The following UNC79 variants were observed in gnomAD, a reference collection of about 807,000 sequenced individuals.
The protein encoded by UNC79 is protein unc-79 homolog.
In UNC79, 37 loss-of-function variants were observed where a neutral mutation model predicts 283.1. The ratio of observed to expected loss-of-function variants is 0.13; its 90% CI spans 0.10 to 0.17. The LOEUF is 0.17. UNC79 is among the 10% of genes least tolerant of loss of function. UNC79 has a pLI of 1.00. For synonymous variants in UNC79, 1,107 were observed against 1,200.2 expected (o/e 0.92, Z 1.61); for missense variants, 2,272 against 3,211.1 (o/e 0.71, Z 7.07).
At chr14:93,664,249 T>C (rs909252469) in intron 40 of UNC79, among the ~76,000 whole-genome samples, 2 of 152,162 alleles carry the variant, frequency 1.3e-5, no homozygotes, top group African/African-American at 4.8e-5. Context: ...TTTGGAGACT[T>C]CACTTTCTAG....
chr14:93,615,409 C>T (rs2066626691), intron 27 of UNC79, among the ~76,000 whole-genome samples: 1 of 152,042 alleles, frequency 6.6e-6, no homozygotes, highest in Non-Finnish European at 1.5e-5. Context: ...CCACATTATG[C>T]ATGTCTACTT....
chr14:93,407,731 A>T (rs760443278), intron 1 of UNC79, among the ~76,000 whole-genome samples: 2 of 152,198 alleles, frequency 1.3e-5, no homozygotes, highest in Non-Finnish European at 2.9e-5. Flanking sequence ...CATTAAAAAA[A>T]CTGGAGATTT....
At chr14:93,573,824 G>A (rs1249275033) in intron 16 of UNC79, among the ~76,000 whole-genome samples, 2 of 152,168 alleles carry the variant, frequency 1.3e-5, no homozygotes, top group African/African-American at 2.4e-5. Flanking sequence ...GGCCAACATG[G>A]CCAAAGCCCG....
At chr14:93,580,313 C>T (rs1372734787) in exon 19 of UNC79, 17 of 1,614,220 alleles carry the variant, frequency 1.1e-5, no homozygotes, top group Non-Finnish European at 1.4e-5. Context: ...CTAGTATCCT[C>T]TGCTATCAGC....
Position 93,621,744 on chromosome 14 carries a change from T to C in UNC79, c.4511T>C (p.Ile1504Thr), listed in dbSNP as rs146432485. 2 of 1,614,092 alleles carry C rather than the reference T, an allele frequency of 1.2e-6. No individual in the cohort carries two copies. Among genetic ancestry groups the C allele is most frequent in the South Asian group, 1.1e-5 (1 of 91,068 alleles). Residue 1504 changes from isoleucine to threonine, a missense_variant, in exon 30 of 49, where the codon ATA becomes ACA. Transcript: ENST00000555664. This position sits in a 1 kb window ranked among gnomAD's most constrained non-coding sequence, Gnocchi z 4.8. Reference sequence around the variant, plus strand: ...TCTTTCAAACAAAAATCTCTTGATATAGGGAATGCAGACTCGCTTTTGTTT... The same window carrying C: ...TCTTTCAAACAAAAATCTCTTGATACAGGGAATGCAGACTCGCTTTTGTTT...
At chr14:93,628,949 A>T (rs1010214916) in intron 30 of UNC79, among the ~76,000 whole-genome samples, 1 of 152,212 alleles carries the variant, frequency 6.6e-6, no homozygotes, top group African/African-American at 2.4e-5. Flanking sequence ...CTGTAATCCG[A>T]GCACTTTGGG....
At chr14:93,469,591 T>A (rs1226161108) in intron 2 of UNC79, among the ~76,000 whole-genome samples, 1 of 152,122 alleles carries the variant, frequency 6.6e-6, no homozygotes, top group Non-Finnish European at 1.5e-5. Context: ...AGATTTGTCA[T>A]CTTTTCAGAA....
intron 3 of UNC79, among the ~76,000 whole-genome samples, chr14:93,476,193 C>G (rs1233946832): frequency 6.6e-6 from 1 of 151,978 alleles, no homozygotes; most frequent in Non-Finnish European, 1.5e-5. Context: ...TGCACTAAGA[C>G]CGGAGGCTGT....
In UNC79 at chr14:93,621,527, A is replaced by G; in HGVS notation, c.4388-94A>G. 2.9e-6 allele frequency: 4 copies of G among 1,368,966 alleles called. No homozygotes were observed. 84.8% of individuals were successfully genotyped at this position (1,368,966 alleles called of 1,614,324 possible). The stretch of plus-strand genomic sequence containing the variant: ...CCCTCCTGGTGGAGCTGGGATTGTG[A>G]TGATGATTTATGCCAATTGTATGCC... On this transcript the variant is annotated intron_variant, in intron 29 of 48. Transcript: ENST00000555664. This position sits in a 1 kb window ranked among gnomAD's most constrained non-coding sequence, Gnocchi z 4.8.
intron 46 of UNC79, among the ~76,000 whole-genome samples, chr14:93,692,298 A>G (rs564256827): frequency 6.6e-6 from 1 of 152,338 alleles, no homozygotes; most frequent in East Asian, 1.9e-4. Context: ...TGATTTAGCC[A>G]TTCCACAATG....
At chr14:93,454,801 T>C (rs1189659958) in intron 1 of UNC79, among the ~76,000 whole-genome samples, 1 of 152,234 alleles carries the variant, frequency 6.6e-6, no homozygotes, top group Non-Finnish European at 1.5e-5. Flanking sequence ...CTTTCACTTT[T>C]GCTGCCTAAC....
intron 14 of UNC79, among the ~76,000 whole-genome samples, chr14:93,569,924 A>G (rs749656985): frequency 6.6e-6 from 1 of 152,142 alleles, no homozygotes; most frequent in Non-Finnish European, 1.5e-5. Flanking sequence ...AAGCCAGAAC[A>G]TTTATTTATT....
At chr14:93,634,994 C>A (rs1425378336) in intron 31 of UNC79, among the ~76,000 whole-genome samples, 1 of 152,046 alleles carries the variant, frequency 6.6e-6, no homozygotes, top group Non-Finnish European at 1.5e-5. Context: ...CAAAGTACGC[C>A]CCAAATGAGG....
chr14:93,443,563 AC>A (rs1473309205), intron 1 of UNC79, among the ~76,000 whole-genome samples: 1 of 151,730 alleles, frequency 6.6e-6, no homozygotes, highest in Non-Finnish European at 1.5e-5. Context: ...AGTTGGGATT[AC>A]AGGTGCACAC....
At chr14:93,658,265 A>G (rs1179160300) in intron 38 of UNC79, among the ~76,000 whole-genome samples, 1 of 152,170 alleles carries the variant, frequency 6.6e-6, no homozygotes, top group Non-Finnish European at 1.5e-5. Context: ...CAGATCTCAA[A>G]CGTCAGTGTG....
At chr14:93,353,385 C>T (rs936747882) in intron 1 of UNC79, among the ~76,000 whole-genome samples, 1 of 152,124 alleles carries the variant, frequency 6.6e-6, no homozygotes, top group African/African-American at 2.4e-5. Context: ...CATATTCAAA[C>T]TCTGTTTGAA....
chr14:93,599,808 A>G (rs2065358468), intron 24 of UNC79, among the ~76,000 whole-genome samples: 1 of 152,202 alleles, frequency 6.6e-6, no homozygotes, highest in African/African-American at 2.4e-5. Context: ...TTTTTTCGGA[A>G]TCATGAAATT....
intron 1 of UNC79, among the ~76,000 whole-genome samples, chr14:93,422,609 T>C (rs534332469): frequency 2.0e-5 from 3 of 152,132 alleles, no homozygotes; most frequent in African/African-American, 7.2e-5. Flanking sequence ...GGGGGGGCCT[T>C]AGAATTGTAT....
intron 40 of UNC79, among the ~76,000 whole-genome samples, chr14:93,668,560 T>A (rs2072470189): frequency 6.7e-6 from 1 of 148,988 alleles, no homozygotes; most frequent in East Asian, 2.0e-4. Flanking sequence ...AAAAAAAAAA[T>A]TAGGCGGGGC....
Sources: gnomAD v4.1 joint callset for allele counts (sites outside exome capture counted in the v4.1 genomes callset) on GRCh38, gnomAD v4.1.1 for gene constraint, Gnocchi (gnomAD v3.1) non-coding constraint, MANE v1.5 for transcripts, NCBI Gene and HGNC (gene_info 2026-07-23, HGNC 2026-07-21) for gene names.